SIPA1L2: variants seen among roughly 807,000 people sequenced by gnomAD.
The protein encoded by SIPA1L2 is signal-induced proliferation-associated 1-like protein 2.
A neutral mutation model predicts 163.9 loss-of-function variants in SIPA1L2; 56 were observed. That is an observed-to-expected ratio of 0.34 (90% CI 0.28 to 0.43). The LOEUF (loss-of-function observed/expected upper bound fraction) is 0.43. SIPA1L2 is among the 20% of genes least tolerant of loss of function. The pLI is 1.00. For synonymous variants in SIPA1L2, 877 were observed against 865.7 expected (o/e 1.01, Z -0.23); for missense variants, 1,974 against 2,193.5 (o/e 0.90, Z 2.00).
At chr1:232,563,956 CGTGTGTGTGTGTGTGTGTGT>C (rs34854572) in intron 2 of SIPA1L2, among the ~76,000 whole-genome samples, 8 of 72,212 alleles carry the variant, frequency 1.1e-4, no homozygotes, top group Non-Finnish European at 1.9e-4. Context: ...TTTTTTTTTT[CGTGTGTGTGTGTGTGTGTGT>C]GTGTGTGTGT....
At chr1:232,433,165 T>A (rs1470950226) in intron 15 of SIPA1L2, among the ~76,000 whole-genome samples, 1 of 152,186 alleles carries the variant, frequency 6.6e-6, no homozygotes. Context: ...TCATCAATAG[T>A]AGAAGGATAT....
chr1:232,497,229 C>T (rs967760865), intron 3 of SIPA1L2, among the ~76,000 whole-genome samples: 1 of 152,206 alleles, frequency 6.6e-6, no homozygotes, highest in Non-Finnish European at 1.5e-5. Flanking sequence ...AGCTATTCTA[C>T]ACTGATTGTG....
chr1:232,433,877 C>T (rs927075156), intron 15 of SIPA1L2, among the ~76,000 whole-genome samples: 1 of 152,226 alleles, frequency 6.6e-6, no homozygotes, highest in African/African-American at 2.4e-5. Flanking sequence ...TCCATTACCA[C>T]TGCCAGACCC....
intron 15 of SIPA1L2, among the ~76,000 whole-genome samples, chr1:232,435,091 T>G (rs953097038): frequency 6.6e-6 from 1 of 152,180 alleles, no homozygotes; most frequent in Middle Eastern, 3.2e-3. Context: ...TTTAAAGCCT[T>G]GGATGATCCC....
intron 15 of SIPA1L2, among the ~76,000 whole-genome samples, chr1:232,437,965 C>T (rs895063999): frequency 2.0e-5 from 3 of 152,082 alleles, no homozygotes; most frequent in Middle Eastern, 3.4e-3. Flanking sequence ...CATTTTGAGA[C>T]GCTGGGTCAA....
chr1:232,578,749 C>A (rs962262285), intron 1 of SIPA1L2, among the ~76,000 whole-genome samples: 1 of 152,158 alleles, frequency 6.6e-6, no homozygotes, highest in African/African-American at 2.4e-5. Context: ...CAGCAAACAT[C>A]CTGTAAACAA....
chr1:232,514,703 T>C lies in SIPA1L2; in HGVS notation c.637A>G (p.Arg213Gly). Residue 213 changes from arginine to glycine, a missense_variant, in exon 3 of 23, where the codon AGA becomes GGA. Transcript: ENST00000674635. Reference protein sequence around the residue: ...LSGENFFAMLRGYRVENYDHK... With the variant: ...LSGENFFAMLGGYRVENYDHK... ...TCATAATTTTCTACTCGGTACCCTC[T>C]GAGCATAGCAAAAAAGTTTTCACCA... is the stretch of plus-strand genomic sequence containing the variant. 1 of 1,614,206 alleles carries C rather than the reference T, an allele frequency of 6.2e-7. No homozygotes were observed. Among genetic ancestry groups the C allele is most frequent in the Non-Finnish European group, 8.5e-7 (1 of 1,180,030 alleles).
chr1:232,485,828 C>G (rs1169668781), intron 5 of SIPA1L2, among the ~76,000 whole-genome samples: 1 of 152,134 alleles, frequency 6.6e-6, no homozygotes. Context: ...AATTAGAGTC[C>G]ACCGTTAATA....
chr1:232,452,736 A>G (rs1663660321), intron 10 of SIPA1L2, among the ~76,000 whole-genome samples: 1 of 152,204 alleles, frequency 6.6e-6, no homozygotes, highest in South Asian at 2.1e-4. Flanking sequence ...GGAACCCTAG[A>G]TACCAAACTA....
At chr1:232,478,854 A>T (rs1043859870) in intron 7 of SIPA1L2, among the ~76,000 whole-genome samples, 2 of 152,260 alleles carry the variant, frequency 1.3e-5, no homozygotes, top group African/African-American at 4.8e-5. Context: ...AGAGCCCAGA[A>T]GATTCTAAAC....
intron 1 of SIPA1L2, among the ~76,000 whole-genome samples, chr1:232,600,636 G>T (rs1018437155): frequency 2.6e-5 from 4 of 152,166 alleles, no homozygotes; most frequent in African/African-American, 9.7e-5. Flanking sequence ...TAAGGAGCGT[G>T]CCTGTTGGAT....
At chr1:232,540,946 G>C (rs547292712) in intron 2 of SIPA1L2, among the ~76,000 whole-genome samples, 3 of 152,070 alleles carry the variant, frequency 2.0e-5, no homozygotes, top group African/African-American at 7.2e-5. Flanking sequence ...TCTTTTGCAG[G>C]GACATGGATG....
At chr1:232,548,881 G>A (rs1201129410) in intron 2 of SIPA1L2, among the ~76,000 whole-genome samples, 2 of 152,206 alleles carry the variant, frequency 1.3e-5, no homozygotes, top group African/African-American at 2.4e-5. Flanking sequence ...GCAAGGACAA[G>A]GGAGGAAAGC....
intron 19 of SIPA1L2, among the ~76,000 whole-genome samples, chr1:232,407,718 CG>C (rs1473496251): frequency 6.6e-6 from 1 of 152,148 alleles, no homozygotes; most frequent in Non-Finnish European, 1.5e-5. Flanking sequence ...GACAGGCCTT[CG>C]TGGGGCAGCA....
rs1366631968 is a variant in SIPA1L2, at chr1:232,479,708, A to T, written c.2004T>A (p.Ser668=). The change falls in exon 7 of 23, where the codon TCT becomes TCA. Residue 668 remains serine (S), a synonymous_variant. Coordinates refer to ENST00000674635, the MANE Select transcript of SIPA1L2 (RefSeq NM_020808.5). ...DNKTDSTGTH[S]LYTTYKDYEL... ...CGTAGTCTTTGTATGTGGTATAGAGAGAGTGCGTGCCCGTGGAATCAGCTG... is the reference window on the plus strand; with the variant it reads ...CGTAGTCTTTGTATGTGGTATAGAGTGAGTGCGTGCCCGTGGAATCAGCTG... 3 of 1,613,594 alleles carry T rather than the reference A, an allele frequency of 1.9e-6. No homozygotes were observed. Among genetic ancestry groups the T allele is most frequent in the Admixed American group, 1.7e-5 (1 of 60,000 alleles).
intron 1 of SIPA1L2, among the ~76,000 whole-genome samples, chr1:232,627,458 G>A (rs955483275): frequency 3.9e-4 from 59 of 152,058 alleles, no homozygotes; most frequent in African/African-American, 1.4e-3. Context: ...TCCCCAAGGT[G>A]GACAAGTGTT....
chr1:232,608,340 A>G (rs1261648915), intron 1 of SIPA1L2, among the ~76,000 whole-genome samples: 1 of 152,118 alleles, frequency 6.6e-6, no homozygotes, highest in Admixed American at 6.6e-5. Context: ...GAGCCACTGC[A>G]CCCAACCCCA....
At position 232,445,688 on chromosome 1, in the gene SIPA1L2, G is replaced by A. The variant is rs187055622; in HGVS notation, c.3194C>T (p.Thr1065Met). The A allele has an allele frequency of 9.3e-6, 15 of 1,613,570 alleles. No homozygotes were observed. The highest frequency in any genetic ancestry group is 6.7e-5 in the East Asian group (3 of 44,854). The stretch of plus-strand genomic sequence containing the variant: ...GGCAGGAGTGGGCACCCGGTGCCAC[G>A]TGGTGTTCCTCCTGAAGGGGGTTTT... ...EYKTPFRRNT[T>M]WHRVPTPALQ... Residue 1065 changes from threonine (T) to methionine (M), a missense_variant, in exon 11 of 23, where the codon ACG becomes ATG. Thr to Met is a moderately conservative substitution (Grantham distance 81). Coordinates refer to ENST00000674635, the MANE Select transcript of SIPA1L2 (RefSeq NM_020808.5).
At chr1:232,407,808 A>C (rs1306144926) in intron 19 of SIPA1L2, among the ~76,000 whole-genome samples, 1 of 152,174 alleles carries the variant, frequency 6.6e-6, no homozygotes, top group Non-Finnish European at 1.5e-5. Flanking sequence ...AACATTATCC[A>C]TTCAACAAAT....
Sources: gnomAD v4.1 joint callset for allele counts (sites outside exome capture counted in the v4.1 genomes callset) on GRCh38, gnomAD v4.1.1 for gene constraint, MANE v1.5 for transcripts, NCBI Gene and HGNC (gene_info 2026-07-23, HGNC 2026-07-21) for gene names.